Variants in ADAM23 observed in about 807,000 individuals in gnomAD.
ADAM23 encodes the protein disintegrin and metalloproteinase domain-containing protein 23.
In ADAM23, 33 loss-of-function variants were observed where a neutral mutation model predicts 120.1. The ratio of observed to expected loss-of-function variants is 0.27; its 90% confidence interval spans 0.21 to 0.37. The LOEUF (loss-of-function observed/expected upper bound fraction) is 0.37, where lower values mean the gene tolerates loss of function less well. ADAM23 is among the 10% of genes least tolerant of loss of function. The probability of loss-of-function intolerance (pLI) is 1.00; values close to 1 mark genes in which losing one functional copy is unlikely to be tolerated. For missense variants in ADAM23, 862 were observed against 1,058.2 expected (o/e 0.81, Z 2.57); for synonymous variants, 367 against 375.2 (o/e 0.98, Z 0.25).
At chr2:206,486,817 C>T (rs1010304005) in intron 3 of ADAM23, among the ~76,000 whole-genome samples, 3 of 152,134 alleles carry the variant, frequency 2.0e-5, no homozygotes, top group African/African-American at 7.2e-5. Flanking sequence ...TTGCAGTTAT[C>T]ACCACAATCT....
chr2:206,593,160 T>A (rs1698458955), intron 22 of ADAM23, among the ~76,000 whole-genome samples: 1 of 152,178 alleles, frequency 6.6e-6, no homozygotes, highest in Non-Finnish European at 1.5e-5. Flanking sequence ...AACAAATACC[T>A]AATCATATAT....
chr2:206,467,260 A>T (rs987318196), intron 2 of ADAM23, among the ~76,000 whole-genome samples: 2 of 152,328 alleles, frequency 1.3e-5, no homozygotes, highest in South Asian at 4.1e-4. Context: ...CAGAAGTCCA[A>T]AGTCTTTTCT....
intron 18 of ADAM23, among the ~76,000 whole-genome samples, chr2:206,586,112 C>T (rs1402230063): frequency 6.6e-6 from 1 of 152,232 alleles, no homozygotes; most frequent in Admixed American, 6.5e-5. Context: ...CGTGGACTCA[C>T]ATCAGCCATG....
At chr2:206,516,702 G>A (rs1239495390) in intron 3 of ADAM23, among the ~76,000 whole-genome samples, 1 of 152,004 alleles carries the variant, frequency 6.6e-6, no homozygotes, top group Non-Finnish European at 1.5e-5. Flanking sequence ...TGGGGGTTAG[G>A]GCCTCAATAT....
chr2:206,454,310 C>T (rs1695252581), intron 2 of ADAM23, among the ~76,000 whole-genome samples: 1 of 152,100 alleles, frequency 6.6e-6, no homozygotes, highest in East Asian at 1.9e-4. Context: ...AAGTGCCATA[C>T]ACTTTTAAAC....
intron 3 of ADAM23, among the ~76,000 whole-genome samples, chr2:206,487,669 G>C (rs1019717208): frequency 3.3e-5 from 5 of 152,252 alleles, no homozygotes; most frequent in Admixed American, 1.3e-4. Flanking sequence ...TTATTGTGAA[G>C]TGAAATCCCT....
intron 2 of ADAM23, among the ~76,000 whole-genome samples, chr2:206,477,897 A>AATATATATATATATATATATATAT (rs71034457): frequency 1.1e-4 from 10 of 93,556 alleles, no homozygotes; most frequent in African/African-American, 3.6e-4. Flanking sequence ...AAAAAAAAAA[A>AATATATATATATATATATATATAT]ATATATATAT....
chr2:206,498,762 G>T (rs891372950), intron 3 of ADAM23, among the ~76,000 whole-genome samples: 1 of 151,840 alleles, frequency 6.6e-6, no homozygotes, highest in Non-Finnish European at 1.5e-5. Flanking sequence ...TCTGACAAAG[G>T]GCTAATATCC....
intron 1 of ADAM23, among the ~76,000 whole-genome samples, chr2:206,444,642 A>G (rs1230641927): frequency 2.0e-5 from 3 of 152,226 alleles, no homozygotes; most frequent in Admixed American, 6.5e-5. Context: ...TTAATATAAT[A>G]CCATCTTCTA....
chr2:206,549,245 T>C (rs954842336), intron 8 of ADAM23, among the ~76,000 whole-genome samples: 2 of 150,114 alleles, frequency 1.3e-5, no homozygotes, highest in East Asian at 1.9e-4. Flanking sequence ...GAAACTCTTA[T>C]GATAATTATG....
At chr2:206,506,124 A>G (rs1696491996) in intron 3 of ADAM23, among the ~76,000 whole-genome samples, 1 of 152,166 alleles carries the variant, frequency 6.6e-6, no homozygotes, top group Non-Finnish European at 1.5e-5. Context: ...TTTCCTGTTA[A>G]ATTAACATAT....
At chr2:206,523,518 T>A (rs545288576) in intron 3 of ADAM23, among the ~76,000 whole-genome samples, 10 of 152,326 alleles carry the variant, frequency 6.6e-5, no homozygotes, top group Non-Finnish European at 1.3e-4. Flanking sequence ...ATGTCCTCGA[T>A]CTTTTAACGT....
chr2:206,532,170 C>T (rs1387356735), intron 4 of ADAM23, among the ~76,000 whole-genome samples: 1 of 152,124 alleles, frequency 6.6e-6, no homozygotes, highest in South Asian at 2.1e-4. Flanking sequence ...CAAACTGAAG[C>T]TTCTGTCAGC....
chr2:206,583,009 A>G (rs1350432231), intron 18 of ADAM23, among the ~76,000 whole-genome samples: 1 of 152,202 alleles, frequency 6.6e-6, no homozygotes, highest in East Asian at 1.9e-4. Context: ...TTAACTCTGG[A>G]TAACCTGATG....
chr2:206,546,909 T>G (rs1482838691), intron 6 of ADAM23, among the ~76,000 whole-genome samples: 3 of 152,166 alleles, frequency 2.0e-5, no homozygotes, highest in Non-Finnish European at 2.9e-5. Flanking sequence ...GGGCAAAAAA[T>G]GTAAATGTTT....
At position 206,459,021 on chromosome 2, in the gene ADAM23, C is replaced by G. The variant is rs547430227; in HGVS notation, c.432+13497C>G. On this transcript the variant is annotated intron_variant, in intron 2 of 25. Coordinates refer to ENST00000264377, the MANE Select transcript of ADAM23 (RefSeq NM_003812.4). ...GGAGATAAGATTTTGGTTTTTGCGTCTTAACAGTCTTAACCAAGAAGAGTT... is the reference window on the plus strand; with the variant it reads ...GGAGATAAGATTTTGGTTTTTGCGTGTTAACAGTCTTAACCAAGAAGAGTT... 2.0e-5 allele frequency among the ~76,000 whole-genome samples: 3 copies of G among 152,300 alleles called. No individual in the cohort carries two copies. In the East Asian group the frequency reaches 5.8e-4, roughly 29 times the overall value.
chr2:206,509,440 ATTTTCTT>A (rs1395507729), intron 3 of ADAM23, among the ~76,000 whole-genome samples: 3 of 151,942 alleles, frequency 2.0e-5, no homozygotes, highest in African/African-American at 7.2e-5. Context: ...GATTATTTGT[ATTTTCTT>A]TTTTCTTTTT....
intron 4 of ADAM23, among the ~76,000 whole-genome samples, chr2:206,537,190 G>A (rs1199586273): frequency 2.0e-5 from 3 of 151,892 alleles, no homozygotes; most frequent in East Asian, 3.9e-4. Flanking sequence ...TTCTTTATCA[G>A]TATAACCACA....
At chr2:206,486,945 C>T (rs1166848890) in intron 3 of ADAM23, among the ~76,000 whole-genome samples, 1 of 152,168 alleles carries the variant, frequency 6.6e-6, no homozygotes, top group South Asian at 2.1e-4. Flanking sequence ...TCCATGCATT[C>T]GCGTCCTGGA....
Sources: gnomAD v4.1 joint callset for allele counts (sites outside exome capture counted in the v4.1 genomes callset) on GRCh38, gnomAD v4.1.1 for gene constraint, MANE v1.5 for transcripts, NCBI Gene and HGNC (gene_info 2026-07-23, HGNC 2026-07-21) for gene names.